The following L3MBTL4 variants were observed in gnomAD, a reference collection of about 807,000 sequenced individuals.
The protein encoded by L3MBTL4 is lethal(3)malignant brain tumor-like protein 4.
A neutral mutation model predicts 84.5 loss-of-function variants in L3MBTL4; 70 were observed. That is an observed-to-expected ratio of 0.83 (90% confidence interval 0.68 to 1.01). L3MBTL4 has a LOEUF of 1.01. L3MBTL4 is among the 50% of genes least tolerant of loss of function. The probability of loss-of-function intolerance (pLI) is 0.00; values close to 1 mark genes in which losing one functional copy is unlikely to be tolerated. For synonymous variants in L3MBTL4, 274 were observed against 259.8 expected (o/e 1.05, Z -0.52); for missense variants, 715 against 754.8 (o/e 0.95, Z 0.62).
intron 3 of L3MBTL4, among the ~76,000 whole-genome samples, chr18:6,305,087 G>A (rs917237351): frequency 3.9e-5 from 6 of 152,152 alleles, no homozygotes; most frequent in African/African-American, 1.4e-4. Flanking sequence ...CAAGGTTATA[G>A]ACAGGTAAAC....
intron 1 of L3MBTL4, among the ~76,000 whole-genome samples, chr18:6,337,816 A>C (rs866774282): frequency 1.3e-5 from 2 of 152,144 alleles, no homozygotes; most frequent in Non-Finnish European, 2.9e-5. Flanking sequence ...GATAACTATA[A>C]AGAAATCCAA....
At chr18:6,237,504 G>A (rs1431003343) in intron 10 of L3MBTL4, among the ~76,000 whole-genome samples, 6 of 126,682 alleles carry the variant, frequency 4.7e-5, no homozygotes, top group Non-Finnish European at 1.6e-5. Flanking sequence ...CACCCAGGCT[G>A]GTGTGCAGTG....
intron 16 of L3MBTL4, among the ~76,000 whole-genome samples, chr18:5,972,493 A>G (rs945065738): frequency 6.6e-6 from 1 of 152,170 alleles, no homozygotes; most frequent in African/African-American, 2.4e-5. Context: ...GTGAATACTC[A>G]GTGGCAGGTA....
chr18:6,120,266 G>A (rs554896494), intron 14 of L3MBTL4, among the ~76,000 whole-genome samples: 3 of 152,208 alleles, frequency 2.0e-5, no homozygotes, highest in African/African-American at 4.8e-5. Flanking sequence ...GGGGCCCGGG[G>A]CCTGCTTGCT....
At chr18:6,365,098 T>C (rs1285608862) in intron 1 of L3MBTL4, among the ~76,000 whole-genome samples, 1 of 152,198 alleles carries the variant, frequency 6.6e-6, no homozygotes, top group Non-Finnish European at 1.5e-5. Context: ...TTTATATGTA[T>C]AATCAATGCA....
chr18:6,364,029 GATATTTTTAA>G (rs1268999269), intron 1 of L3MBTL4, among the ~76,000 whole-genome samples: 1 of 152,050 alleles, frequency 6.6e-6, no homozygotes, highest in Non-Finnish European at 1.5e-5. Flanking sequence ...GGGTCTCTAT[GATATTTTTAA>G]GGGGTCCTCG....
chr18:6,244,586 A>G lies in L3MBTL4; in HGVS notation c.222T>C (p.Asp74=), dbSNP rs773889952. 4 of 1,605,726 alleles carry G rather than the reference A, an allele frequency of 2.5e-6. No homozygotes were observed. In the South Asian group the frequency reaches 4.4e-5, roughly 18 times the overall value. Reference sequence around the variant, plus strand: ...CATTTTCATGCTCTGGAAAGGACTGATCCTACAAAATTTCACGACATAACA... The same window carrying G: ...CATTTTCATGCTCTGGAAAGGACTGGTCCTACAAAATTTCACGACATAACA... ...VAAPVELFSK[D]QSFPEHENGF... Residue 74 remains aspartate (D), a splice_region_variant and synonymous_variant, in exon 6 of 19, where the codon GAT becomes GAC. Transcript: ENST00000317931.
intron 10 of L3MBTL4, 25 bp from the exon 11 acceptor site, chr18:6,215,860 C>T: frequency 8.0e-7 from 1 of 1,250,956 alleles, no homozygotes; most frequent in East Asian, 2.5e-5. Flanking sequence ...ATATAAATAG[C>T]AAAAGATTAC....
intron 1 of L3MBTL4, among the ~76,000 whole-genome samples, chr18:6,329,435 G>A (rs1300349982): frequency 6.6e-6 from 1 of 152,066 alleles, no homozygotes; most frequent in Non-Finnish European, 1.5e-5. Flanking sequence ...TTACAGGCCT[G>A]AGCCACCGCA....
At chr18:6,011,491 C>T (rs1298544587) in intron 16 of L3MBTL4, among the ~76,000 whole-genome samples, 3 of 152,096 alleles carry the variant, frequency 2.0e-5, no homozygotes, top group Non-Finnish European at 4.4e-5. Context: ...TGGTATTAAT[C>T]GAGTAGTATT....
chr18:6,149,668 G>A (rs116995001), intron 13 of L3MBTL4, among the ~76,000 whole-genome samples: 2,999 of 152,272 alleles, frequency 0.02, 52 homozygotes, highest in Non-Finnish European at 0.029. Flanking sequence ...CCCACCAACA[G>A]TGCAAAAATG....
chr18:6,238,126 C>T, intron 9 of L3MBTL4, 86 bp from the exon 10 acceptor site: 1 of 1,163,506 alleles, frequency 8.6e-7, no homozygotes, highest in East Asian at 2.3e-5. Flanking sequence ...TGGATATCAA[C>T]AGATACCACA....
chr18:6,164,264 G>A (rs192599179), intron 13 of L3MBTL4, among the ~76,000 whole-genome samples: 67 of 152,354 alleles, frequency 4.4e-4, no homozygotes, highest in African/African-American at 1.6e-3. Context: ...GCAGGGCACA[G>A]ACAAACAAAA....
chr18:6,023,678 T>C (rs1436602627), intron 16 of L3MBTL4, among the ~76,000 whole-genome samples: 1 of 152,176 alleles, frequency 6.6e-6, no homozygotes, highest in Non-Finnish European at 1.5e-5. Context: ...TTAAAGTAAT[T>C]GTAACTGAAA....
chr18:6,208,056 G>T (rs903472209), intron 12 of L3MBTL4, among the ~76,000 whole-genome samples: 3 of 151,756 alleles, frequency 2.0e-5, no homozygotes, highest in African/African-American at 7.3e-5. Context: ...TCAAGGCTGC[G>T]GCAGGCCATG....
intron 4 of L3MBTL4, among the ~76,000 whole-genome samples, chr18:6,286,616 A>G (rs929206723): frequency 1.3e-5 from 2 of 152,348 alleles, no homozygotes; most frequent in East Asian, 3.9e-4. Flanking sequence ...AAAACGTTTT[A>G]AAAGGAAACA....
At chr18:6,142,886 C>CA (rs201984095) in intron 13 of L3MBTL4, among the ~76,000 whole-genome samples, 2,319 of 148,336 alleles carry the variant, frequency 0.016, 61 homozygotes, top group African/African-American at 0.054. Context: ...GACTGTATCT[C>CA]AAAAAAAAAA....
chr18:6,219,355 T>A (rs796128775), intron 10 of L3MBTL4, among the ~76,000 whole-genome samples: 1 of 151,768 alleles, frequency 6.6e-6, no homozygotes, highest in Non-Finnish European at 1.5e-5. Flanking sequence ...AGGGCGGGAC[T>A]GTAAACTGCT....
At chr18:6,333,689 C>T (rs1458700256) in intron 1 of L3MBTL4, among the ~76,000 whole-genome samples, 1 of 149,904 alleles carries the variant, frequency 6.7e-6, no homozygotes, top group African/African-American at 2.5e-5. Context: ...GAGCATAGCT[C>T]CAGCCGTAAG....
Sources: allele counts gnomAD v4.1 joint callset (sites outside exome capture counted in the v4.1 genomes callset), GRCh38; gene constraint gnomAD v4.1.1; transcripts MANE v1.5; gene names NCBI Gene and HGNC (gene_info 2026-07-23, HGNC 2026-07-21).